The following LRP4 variants were observed in gnomAD, a reference collection of about 807,000 sequenced individuals.
LRP4 encodes LDL receptor related protein 4, also known as low-density lipoprotein receptor-related protein 4.
In LRP4, 95 loss-of-function variants were observed where a neutral mutation model predicts 220.3. The ratio of observed to expected loss-of-function variants is 0.43; its 90% CI spans 0.37 to 0.51. The LOEUF (loss-of-function observed/expected upper bound fraction) is 0.51. Ranked by LOEUF, LRP4 falls within the 20% of genes least tolerant of loss-of-function variation. The pLI is 0.00. For missense variants in LRP4, 1,925 were observed against 2,567.0 expected (o/e 0.75, Z 5.40); for synonymous variants, 903 against 954.6 (o/e 0.95, Z 1.00).
rs114890902 is a variant in LRP4 at position 46,864,081 on chromosome 11, A to T, written c.5243+367T>A. Among the ~76,000 whole-genome samples the T allele has an allele frequency of 4.0e-3, 610 of 152,346 alleles. 3 individuals are homozygous for T. The highest frequency in any genetic ancestry group is 0.014 in the African/African-American group (575 of 41,590). On this transcript the variant is annotated intron_variant, in intron 36 of 37. Coordinates refer to ENST00000378623, the MANE Select transcript of LRP4 (RefSeq NM_002334.4). ...AAGGCTGTGTTTGTATAAGGGGAAA[A>T]TCATTTCCAATTTCAGTGGTTTGAA...
At chr11:46,909,971 C>T (rs186615931) in intron 1 of LRP4, among the ~76,000 whole-genome samples, 210 of 152,254 alleles carry the variant, frequency 1.4e-3, no homozygotes, top group Non-Finnish European at 1.1e-3. Context: ...GAAACTGACA[C>T]GCCATGTTTC....
chr11:46,905,006 G>T (rs1941736541), intron 1 of LRP4, among the ~76,000 whole-genome samples: 1 of 142,852 alleles, frequency 7.0e-6, no homozygotes, highest in Non-Finnish European at 1.5e-5. Context: ...AAAAAAAGAT[G>T]CAGGATTTCC....
rs1940590293 is a variant in LRP4 at position 46,862,697 on chromosome 11, C to A, written c.5294G>T (p.Ser1765Ile). ...TDPGMGNLTY[S>I]NPSYRTSTQE... ...TGTGGATGTTCGGTAGGAGGGGTTG[C>A]TGTAGGTGAGGTTCCCCATTCCAGG... The change falls in exon 37 of 38, where the codon AGC (serine) becomes ATC (isoleucine). Residue 1765 changes from serine (S) to isoleucine (I), a missense_variant. This residue lies in a region of LRP4 where 1,244 missense variants were observed against 1,624.9 expected (regional missense o/e 0.77). Coordinates refer to ENST00000378623, the MANE Select transcript of LRP4 (RefSeq NM_002334.4). The A allele has an allele frequency of 6.2e-7, 1 of 1,613,616 alleles. No homozygotes were observed.
chr11:46,899,358 C>CCAA lies in LRP4; in HGVS notation c.547+26_547+28dup. 6.4e-7 allele frequency: 1 copy of CCAA among 1,554,290 alleles called. No homozygotes were observed. Among genetic ancestry groups the CCAA allele is most frequent in the Non-Finnish European group, 8.9e-7 (1 of 1,125,522 alleles). ...GCAGAACTGTCTGCCCTCATCCAAC[C>CCAA]CAACAGCCTGAGGTCTGGGGCCACT... On this transcript the variant is annotated intron_variant, in intron 5 of 37. Coordinates refer to ENST00000378623, the MANE Select transcript of LRP4 (RefSeq NM_002334.4). This position sits in a 1 kb window ranked among gnomAD's most constrained non-coding sequence, Gnocchi z 5.9.
At position 46,878,843 on chromosome 11, in the gene LRP4, A is replaced by G. The variant is rs533381228; in HGVS notation, c.3136+64T>C. The G allele has an allele frequency of 6.1e-4, 988 of 1,608,944 alleles. 5 individuals are homozygous for G. The highest frequency in any genetic ancestry group is 7.8e-4 in the Non-Finnish European group (915 of 1,177,408). On this transcript the variant is annotated intron_variant, in intron 22 of 37. Coordinates refer to ENST00000378623, the MANE Select transcript of LRP4 (RefSeq NM_002334.4). The stretch of plus-strand genomic sequence containing the variant: ...ACCACATTGGAGCCCATCTGCAAGG[A>G]AGGAAGAGAGCCATTGCCCCCTCCC...
chr11:46,896,376 G>C, intron 8 of LRP4, 41 bp from the exon 9 acceptor site: 1 of 1,608,650 alleles, frequency 6.2e-7, no homozygotes, highest in Non-Finnish European at 8.5e-7. Context: ...GGCAGGGCTT[G>C]GGCCAACAAA....
In LRP4 at chr11:46,869,259, T is replaced by C. The variant is rs989604763; in HGVS notation, c.4693-127A>G. On this transcript the variant is annotated intron_variant, in intron 31 of 37. Coordinates refer to ENST00000378623, the MANE Select transcript of LRP4 (RefSeq NM_002334.4). ...AATGCCCTCTTCATCTCTTCCTCATTTCTGTGCATCAACAGACATGACATT... is the reference window on the plus strand; with the variant it reads ...AATGCCCTCTTCATCTCTTCCTCATCTCTGTGCATCAACAGACATGACATT... 7 of 865,950 alleles carry C rather than the reference T, an allele frequency of 8.1e-6. No individual in the cohort carries two copies. In the African/African-American group the frequency reaches 1.2e-4, roughly 14 times the overall value. 53.6% of individuals were successfully genotyped at this position (865,950 alleles called of 1,614,324 possible). A position where few individuals can be genotyped will look rare whatever the true frequency, so the allele number is the denominator to read the frequency against.
intron 37 of LRP4, 46 bp downstream of exon 37, chr11:46,862,560 C>G (rs766493528): frequency 6.2e-7 from 1 of 1,609,558 alleles, no homozygotes; most frequent in African/African-American, 1.3e-5. Flanking sequence ...AAATCCCTCC[C>G]CACACCTCGC....
chr11:46,918,426 A>C lies in LRP4; in HGVS notation c.-47T>G. On this transcript the variant is annotated 5_prime_UTR_variant, in exon 1 of 38. Coordinates refer to ENST00000378623, the MANE Select transcript of LRP4 (RefSeq NM_002334.4). The surrounding 1 kb of genome is among the most constrained non-coding windows in gnomAD (Gnocchi z 6.0). ...CCGGGGTCCCGCCGGCTCCCGCCGG[A>C]CGGCGCGGCGGAGAAGCCCGCGGAG... The C allele has an allele frequency of 7.6e-7, 1 of 1,319,660 alleles. No individual in the cohort carries two copies. Among genetic ancestry groups the C allele is most frequent in the African/African-American group, 1.6e-5 (1 of 64,144 alleles). The allele number at this position is 1,319,660 out of a possible 1,614,324, so 81.7% of individuals were successfully genotyped here.
chr11:46,875,091 C>T lies in LRP4; in HGVS notation c.3938G>A (p.Cys1313Tyr). 6 of 1,613,162 alleles carry T rather than the reference C, an allele frequency of 3.7e-6. No individual in the cohort carries two copies. Among genetic ancestry groups the T allele is most frequent in the Non-Finnish European group, 5.1e-6 (6 of 1,180,038 alleles). The change falls in exon 28 of 38, where the codon TGC becomes TAC. Residue 1313 changes from cysteine to tyrosine, a missense_variant. This residue lies in a region of LRP4 where 1,244 missense variants were observed against 1,624.9 expected (regional missense o/e 0.77). Transcript: ENST00000378623. The surrounding 1 kb of genome is among the most constrained non-coding windows in gnomAD (Gnocchi z 4.5). ...DRAQPLGFNK[C>Y]GSRNGGCSHL... ...GGAGCAGCCGCCATTTCTCGAGCCG[C>T]ACTTGTTAAAACCTGGTGATGAGAA... is the stretch of plus-strand genomic sequence containing the variant.
In LRP4 at chr11:46,901,755, C is replaced by T. The variant is rs548139892; in HGVS notation, c.199+1028G>A. ...AAATATAAGTTTTTTTTTTTTTAGA[C>T]GGAGTCTCGCTCTGTCGCCCAATCT... is the stretch of plus-strand genomic sequence containing the variant. On this transcript the variant is annotated intron_variant, in intron 2 of 37. Coordinates refer to ENST00000378623, the MANE Select transcript of LRP4 (RefSeq NM_002334.4). Among the ~76,000 whole-genome samples, 505 of 151,438 alleles carry T rather than the reference C, an allele frequency of 3.3e-3. 1 individual carries two copies. The highest frequency in any genetic ancestry group is 6.8e-3 in the Middle Eastern group (2 of 294).
chr11:46,906,513 C>A (rs1399012394), intron 1 of LRP4, among the ~76,000 whole-genome samples: 5 of 151,494 alleles, frequency 3.3e-5, no homozygotes, highest in Non-Finnish European at 4.4e-5. Flanking sequence ...AAAAACTAAT[C>A]TTATGCCTTG....
chr11:46,875,443 C>T lies in LRP4; in HGVS notation c.3925+13G>A, dbSNP rs780986127. ...GAGGCTCTGACTCACAGCCCCAGCC[C>T]TCTGACTCTCACCTAGTGGCTGTGC... On this transcript the variant is annotated intron_variant, in intron 27 of 37. Transcript: ENST00000378623. This position sits in a 1 kb window ranked among gnomAD's most constrained non-coding sequence, Gnocchi z 4.5. 3.1e-6 allele frequency: 5 copies of T among 1,611,944 alleles called. No homozygotes were observed. The African/African-American group carries it at 6.7e-5, about 22-fold the overall frequency.
Position 46,879,012 on chromosome 11 carries a change from C to T in LRP4, c.3031G>A (p.Gly1011Ser). The change falls in exon 22 of 38, where the codon GGC becomes AGC. Residue 1011 changes from glycine (G) to serine (S), a missense_variant. Transcript: ENST00000378623. ...CTAAGACACAGGTGGCTACAGCCGC[C>T]ATTCTCCATAGCACATGGTGTAGAC... ...PVSTPCAMEN[G>S]GCSHLCLRSP... 2.5e-6 allele frequency: 4 copies of T among 1,614,246 alleles called. No individual in the cohort carries two copies. The highest frequency in any genetic ancestry group is 2.5e-6 in the Non-Finnish European group (3 of 1,180,050).
At chr11:46,913,322 G>C (rs950026342) in intron 1 of LRP4, among the ~76,000 whole-genome samples, 1 of 152,160 alleles carries the variant, frequency 6.6e-6, no homozygotes, top group African/African-American at 2.4e-5. Context: ...TAGAGAATTG[G>C]CTCTTTTTAA....
At chr11:46,895,852 C>G in intron 10 of LRP4, 32 bp downstream of exon 10, 1 of 1,607,948 alleles carries the variant, frequency 6.2e-7, no homozygotes, top group Non-Finnish European at 8.5e-7. Flanking sequence ...GCTCAGAACC[C>G]CGACTCTGCT....
chr11:46,862,938 AT>A, intron 36 of LRP4, 191 bp from the exon 37 acceptor site: 1 of 620,688 alleles, frequency 1.6e-6, no homozygotes, highest in Non-Finnish European at 2.9e-6. Flanking sequence ...TAATGAAAAG[AT>A]TATGCAAATG....
At chr11:46,868,553 C>G in intron 33 of LRP4, 47 bp downstream of exon 33, 1 of 1,388,416 alleles carries the variant, frequency 7.2e-7, no homozygotes, top group South Asian at 1.2e-5. Context: ...ACTCTCAGCC[C>G]TTCCAGGGGC....
Position 46,871,585 on chromosome 11 carries a change from G to A in LRP4, c.4632C>T (p.Leu1544=). 1 of 1,613,372 alleles carries A rather than the reference G, an allele frequency of 6.2e-7. No individual in the cohort carries two copies. Among genetic ancestry groups the A allele is most frequent in the Non-Finnish European group, 8.5e-7 (1 of 1,179,700 alleles). Residue 1544 remains leucine, a synonymous_variant, in exon 31 of 38, where the codon CTC becomes CTT. Coordinates refer to ENST00000378623, the MANE Select transcript of LRP4 (RefSeq NM_002334.4). ...CCAAGACCTGCCGCAGTTTCCCATT[G>A]AGGTCAGCACTCTCGATCCGGTCCA... ...AHLDRIESAD[L]NGKLRQVLVS...
Sources: allele counts gnomAD v4.1 joint callset (sites outside exome capture counted in the v4.1 genomes callset), GRCh38; gene constraint gnomAD v4.1.1; regional missense constraint gnomAD v4.1.1; non-coding constraint Gnocchi (gnomAD v3.1); transcripts MANE v1.5; gene names NCBI Gene and HGNC (gene_info 2026-07-23, HGNC 2026-07-21).